CCNH: variants seen among roughly 807,000 people sequenced by gnomAD.
CCNH encodes cyclin H.
In CCNH, 31 loss-of-function variants were observed where a neutral mutation model predicts 41.9. The ratio of observed to expected loss-of-function variants is 0.74; its 90% confidence interval spans 0.56 to 1.00. CCNH has a LOEUF of 1.00. Ranked by LOEUF, CCNH falls within the 50% of genes least tolerant of loss-of-function variation. CCNH has a pLI of 0.00. For missense variants in CCNH, 362 were observed against 388.4 expected (o/e 0.93, Z 0.57); for synonymous variants, 138 against 136.1 (o/e 1.01, Z -0.10).
At chr5:87,379,320 T>C (rs975652679), upstream of CCNH, among the ~76,000 whole-genome samples, 1 of 152,154 alleles carries the variant, frequency 6.6e-6, no homozygotes, top group African/African-American at 2.4e-5. Context: ...GGCTACGGAA[T>C]TCCGACTTCC....
chr5:87,313,539 A>G (rs1332404948), downstream of CCNH, among the ~76,000 whole-genome samples: 2 of 152,178 alleles, frequency 1.3e-5, no homozygotes, highest in East Asian at 3.8e-4. Flanking sequence ...CTCATCTCCC[A>G]CCTGCCAGTG....
chr5:87,322,694 T>C (rs1464214640), intron 9 of CCNH, among the ~76,000 whole-genome samples: 1 of 152,190 alleles, frequency 6.6e-6, no homozygotes, highest in East Asian at 1.9e-4. Flanking sequence ...TAAACCACTT[T>C]TCTTTACCAA....
chr5:87,392,897 T>C (rs1457779384), downstream of CCNH: 2 of 152,396 alleles, frequency 1.3e-5, no homozygotes, highest in South Asian at 2.1e-4. Context: ...ATGCCAAAGT[T>C]TGGCGATCTG....
intron 9 of CCNH, among the ~76,000 whole-genome samples, chr5:87,333,748 G>A (rs967612665): frequency 6.6e-6 from 1 of 151,742 alleles, no homozygotes; most frequent in Admixed American, 6.6e-5. Flanking sequence ...GTTAGTTTGT[G>A]GTTTTATTTC....
upstream of CCNH, among the ~76,000 whole-genome samples, chr5:87,377,733 A>T (rs546545110): frequency 8.5e-5 from 13 of 152,296 alleles, no homozygotes; most frequent in African/African-American, 3.1e-4. Flanking sequence ...TTAATGGCTT[A>T]CAAAATAATC....
rs1391131267 is a variant in CCNH at position 87,404,948 on chromosome 5, A to G, written c.585T>C (p.Leu195=). 8.7e-6 allele frequency: 14 copies of G among 1,613,310 alleles called. No homozygotes were observed. The highest frequency in any genetic ancestry group is 1.2e-5 in the Non-Finnish European group (14 of 1,179,496). The change falls in exon 5 of 9, where the codon CTT becomes CTC. Residue 195 remains leucine (L), a synonymous_variant. Transcript: ENST00000256897. The part of the protein sequence containing the change: ...EILRKTADDF[L]NRIALTDAYL... ...AAGCATCCGTCAATGCAATTCTATTAAGAAAGTCATCAGCTGTTTTCCTCA... is the reference window on the plus strand; with the variant it reads ...AAGCATCCGTCAATGCAATTCTATTGAGAAAGTCATCAGCTGTTTTCCTCA...
At chr5:87,390,953 T>C (rs1224760023), downstream of CCNH, 8 of 1,465,528 alleles carry the variant, frequency 5.5e-6, no homozygotes, top group East Asian at 4.6e-5. Context: ...GTTTAATGTC[T>C]CCTTTGCTCT....
chr5:87,369,461 C>A (rs2112473873), intron 9 of CCNH, among the ~76,000 whole-genome samples: 1 of 152,100 alleles, frequency 6.6e-6, no homozygotes, highest in East Asian at 1.9e-4. Context: ...GGTCTAAGAA[C>A]ATTTCTAGTC....
intron 9 of CCNH, chr5:87,385,412 A>C: frequency 6.5e-7 from 1 of 1,530,032 alleles, no homozygotes; most frequent in South Asian, 1.1e-5. Flanking sequence ...TGATACTTTA[A>C]AATGTAATTT....
chr5:87,410,717 T>C (rs900228104), intron 2 of CCNH, among the ~76,000 whole-genome samples: 4 of 152,102 alleles, frequency 2.6e-5, no homozygotes, highest in Non-Finnish European at 4.4e-5. Flanking sequence ...AAAAAACAAA[T>C]AGGTCCTCAG....
intron 9 of CCNH, among the ~76,000 whole-genome samples, chr5:87,384,254 T>C (rs929320362): frequency 6.6e-6 from 1 of 152,148 alleles, no homozygotes; most frequent in Non-Finnish European, 1.5e-5. Context: ...TCACCAGTTA[T>C]ATAGTGTAAA....
intron 9 of CCNH, among the ~76,000 whole-genome samples, chr5:87,335,873 A>G (rs1465650970): frequency 1.3e-5 from 2 of 152,250 alleles, no homozygotes; most frequent in East Asian, 1.9e-4. Flanking sequence ...AGATAGACCA[A>G]TAGATGTTAT....
At chr5:87,342,162 CTTTTTTTTT>C (rs531793273) in intron 9 of CCNH, among the ~76,000 whole-genome samples, 3 of 139,788 alleles carry the variant, frequency 2.1e-5, no homozygotes, top group African/African-American at 7.8e-5. Flanking sequence ...GTTATTTTTT[CTTTTTTTTT>C]TTTTTTGAGA....
chr5:87,352,583 A>C (rs930604167), intron 9 of CCNH, among the ~76,000 whole-genome samples: 1 of 151,788 alleles, frequency 6.6e-6, no homozygotes, highest in Admixed American at 6.6e-5. Flanking sequence ...ATATTTCCCA[A>C]TTTGTAGCAC....
rs749211504 is a variant in CCNH at position 87,412,804 on chromosome 5, G to A, written c.-10C>T. 1.2e-6 allele frequency: 2 copies of A among 1,613,764 alleles called. No homozygotes were observed. The highest frequency in any genetic ancestry group is 1.7e-6 in the Non-Finnish European group (2 of 1,179,760). On this transcript the variant is annotated 5_prime_UTR_variant, in exon 1 of 9. The change creates a new upstream start codon in the 5' untranslated region. Transcript: ENST00000256897. ...TACTGTTGTGGTACATTATGGAATC[G>A]TGACCAGGTCCAGAGGGTCTGCAGA...
At chr5:87,360,460 T>C (rs1183766959) in intron 9 of CCNH, among the ~76,000 whole-genome samples, 1 of 152,126 alleles carries the variant, frequency 6.6e-6, no homozygotes, top group African/African-American at 2.4e-5. Flanking sequence ...TGTTGGAGAG[T>C]ACAGTGTCCA....
chr5:87,387,924 C>T (rs1580413969), downstream of CCNH, among the ~76,000 whole-genome samples: 1 of 151,876 alleles, frequency 6.6e-6, no homozygotes, highest in South Asian at 2.1e-4. Context: ...AGTTATGCCA[C>T]ACAATCTAAG....
intron 5 of CCNH, 74 bp downstream of exon 5, chr5:87,404,770 A>G: frequency 8.6e-7 from 1 of 1,159,714 alleles, no homozygotes; most frequent in Non-Finnish European, 1.2e-6. Flanking sequence ...ATTAAAGATT[A>G]CAGTCAGAAA....
In CCNH at chr5:87,394,412, G is replaced by C. The variant is rs3093856; in HGVS notation, c.*34C>G. ...GTTTGATATGCTTCCTACTTCTCTT[G>C]ATTAGTTAGCATTGAGAAATCAACT... On this transcript the variant is annotated 3_prime_UTR_variant, in exon 9 of 9. Transcript: ENST00000256897. 17 of 1,602,266 alleles carry C rather than the reference G, an allele frequency of 1.1e-5. No homozygotes were observed. The African/African-American group carries it at 2.3e-4, about 22-fold the overall frequency.
Sources: gnomAD v4.1 joint callset for allele counts (sites outside exome capture counted in the v4.1 genomes callset) on GRCh38, gnomAD v4.1.1 for gene constraint, MANE v1.5 for transcripts, NCBI Gene and HGNC (gene_info 2026-07-23, HGNC 2026-07-21) for gene names.